Variants in TMTC2 observed in about 807,000 individuals in gnomAD.
TMTC2 encodes the protein protein O-mannosyl-transferase TMTC2.
Under a neutral mutation model 82.4 loss-of-function variants are expected in TMTC2, and 43 were observed. The observed-to-expected ratio is 0.52, with a 90% CI of 0.41 to 0.67. The LOEUF (loss-of-function observed/expected upper bound fraction) is 0.67. TMTC2 is among the 30% of genes least tolerant of loss of function. The probability of loss-of-function intolerance (pLI) is 0.00; values close to 1 mark genes in which losing one functional copy is unlikely to be tolerated. For synonymous variants in TMTC2, 408 were observed against 381.9 expected (o/e 1.07, Z -0.80); for missense variants, 919 against 1,012.4 (o/e 0.91, Z 1.25).
intron 1 of TMTC2, among the ~76,000 whole-genome samples, chr12:82,718,522 A>G (rs1424562866): frequency 6.6e-6 from 1 of 152,170 alleles, no homozygotes; most frequent in Non-Finnish European, 1.5e-5. Context: ...TCCATATTTG[A>G]ACCCTGGGCC....
chr12:82,977,737 A>T (rs1592670205), intron 7 of TMTC2, among the ~76,000 whole-genome samples: 1 of 151,938 alleles, frequency 6.6e-6, no homozygotes, highest in East Asian at 1.9e-4. Context: ...CCTTCTATAC[A>T]TTTATTTTGA....
intron 11 of TMTC2, among the ~76,000 whole-genome samples, chr12:83,078,538 G>A (rs1037212832): frequency 6.6e-6 from 1 of 152,118 alleles, no homozygotes; most frequent in African/African-American, 2.4e-5. Flanking sequence ...CGTATAAACA[G>A]CTATTATTTT....
chr12:82,900,810 T>G (rs1230890442), intron 3 of TMTC2, among the ~76,000 whole-genome samples: 2 of 133,306 alleles, frequency 1.5e-5, no homozygotes, highest in African/African-American at 5.5e-5. Context: ...AATATATATA[T>G]ATAGGAATAT....
intron 1 of TMTC2, among the ~76,000 whole-genome samples, chr12:82,791,206 G>A (rs925007874): frequency 1.3e-4 from 20 of 151,844 alleles, no homozygotes; most frequent in African/African-American, 4.6e-4. Context: ...TTATCTTTCC[G>A]TATTACTAAG....
intron 11 of TMTC2, among the ~76,000 whole-genome samples, chr12:83,064,261 G>C (rs1348056212): frequency 6.6e-6 from 1 of 151,860 alleles, no homozygotes; most frequent in Non-Finnish European, 1.5e-5. Context: ...TACAAGACTT[G>C]AGTCTGATTT....
intron 1 of TMTC2, among the ~76,000 whole-genome samples, chr12:82,717,700 C>A (rs906320891): frequency 6.6e-6 from 1 of 152,016 alleles, no homozygotes; most frequent in African/African-American, 2.4e-5. Flanking sequence ...ATTATTTATC[C>A]AGAAGACATT....
chr12:82,984,931 C>T (rs1879089373), intron 7 of TMTC2, among the ~76,000 whole-genome samples: 1 of 151,976 alleles, frequency 6.6e-6, no homozygotes. Context: ...GCCAAAATGC[C>T]TCACACTCAT....
intron 3 of TMTC2, among the ~76,000 whole-genome samples, chr12:82,903,923 G>A (rs1045075677): frequency 2.6e-5 from 4 of 152,144 alleles, no homozygotes; most frequent in Non-Finnish European, 5.9e-5. Context: ...AGGTAGTGAG[G>A]GATGCTTTAT....
intron 1 of TMTC2, among the ~76,000 whole-genome samples, chr12:82,770,123 C>A (rs1256091345): frequency 6.6e-6 from 1 of 151,932 alleles, no homozygotes; most frequent in Non-Finnish European, 1.5e-5. Context: ...ATTATGTTAC[C>A]CTTTATAAAA....
At chr12:82,838,813 C>T (rs987151318) in intron 1 of TMTC2, among the ~76,000 whole-genome samples, 5 of 144,532 alleles carry the variant, frequency 3.5e-5, no homozygotes, top group South Asian at 2.2e-4. Context: ...ATGAGTAGGA[C>T]GATGGCTTTA....
intron 2 of TMTC2, among the ~76,000 whole-genome samples, chr12:82,866,579 A>ACAT (rs911392483): frequency 3.3e-5 from 5 of 152,190 alleles, no homozygotes; most frequent in Admixed American, 1.3e-4. Flanking sequence ...GATGCATATT[A>ACAT]CATCACTCAG....
chr12:82,975,210 T>A lies in TMTC2; in HGVS notation c.1948+8213T>A, dbSNP rs555469872. On this transcript the variant is annotated intron_variant, in intron 7 of 11. Coordinates refer to ENST00000321196, the MANE Select transcript of TMTC2 (RefSeq NM_152588.3). ...GTTCAGAGCCTTAACGCATGAAATA[T>A]AAATTAAGTTGAAAATTCAGTGCAT... Among the ~76,000 whole-genome samples, 99 of 152,294 alleles carry A rather than the reference T, an allele frequency of 6.5e-4. 1 individual carries two copies. The highest frequency in any genetic ancestry group is 2.4e-3 in the African/African-American group (99 of 41,580).
At chr12:82,770,087 A>C (rs2136993781) in intron 1 of TMTC2, among the ~76,000 whole-genome samples, 1 of 152,326 alleles carries the variant, frequency 6.6e-6, no homozygotes, top group African/African-American at 2.4e-5. Flanking sequence ...GAATTCCCAT[A>C]GAATTTAAGT....
intron 1 of TMTC2, among the ~76,000 whole-genome samples, chr12:82,782,825 A>G (rs534738429): frequency 6.6e-6 from 1 of 152,156 alleles, no homozygotes; most frequent in Admixed American, 6.5e-5. Flanking sequence ...AGTTACTTCT[A>G]AGTAGCCTCT....
At chr12:83,102,677 A>G (rs1884259220) in intron 11 of TMTC2, among the ~76,000 whole-genome samples, 1 of 152,192 alleles carries the variant, frequency 6.6e-6, no homozygotes, top group Non-Finnish European at 1.5e-5. Context: ...AGGATGTCAA[A>G]GTGCTTCATA....
chr12:82,796,899 C>T (rs1878745705), intron 1 of TMTC2, among the ~76,000 whole-genome samples: 2 of 152,074 alleles, frequency 1.3e-5, no homozygotes, highest in Admixed American at 6.6e-5. Flanking sequence ...ATAAAAGTTC[C>T]TACTTCATAT....
At chr12:83,044,487 G>A (rs959440385) in intron 9 of TMTC2, among the ~76,000 whole-genome samples, 5 of 152,136 alleles carry the variant, frequency 3.3e-5, no homozygotes, top group East Asian at 1.9e-4. Context: ...ATAACAATCC[G>A]ATTTCCATTT....
chr12:82,931,836 CG>C (rs1316244137), intron 4 of TMTC2, among the ~76,000 whole-genome samples: 1 of 152,038 alleles, frequency 6.6e-6, no homozygotes, highest in Non-Finnish European at 1.5e-5. Flanking sequence ...GTATTAATCC[CG>C]GAAAAAGTTG....
intron 1 of TMTC2, among the ~76,000 whole-genome samples, chr12:82,813,168 A>C (rs1868493871): frequency 6.6e-6 from 1 of 152,076 alleles, no homozygotes; most frequent in African/African-American, 2.4e-5. Flanking sequence ...TATAGTTTTA[A>C]ATATTCTAGC....
Sources: gnomAD v4.1 joint callset for allele counts (sites outside exome capture counted in the v4.1 genomes callset) on GRCh38, gnomAD v4.1.1 for gene constraint, MANE v1.5 for transcripts, NCBI Gene and HGNC (gene_info 2026-07-23, HGNC 2026-07-21) for gene names.